MLLT10: variants seen among roughly 807,000 people sequenced by gnomAD.
MLLT10 encodes MLLT10 histone lysine methyltransferase DOT1L cofactor.
A neutral mutation model predicts 129.1 loss-of-function variants in MLLT10; 30 were observed. The ratio of observed to expected loss-of-function variants is 0.23; its 90% CI spans 0.17 to 0.32. MLLT10 has a LOEUF of 0.32. Among genes scored for constraint, MLLT10 ranks in the 10% least tolerant of loss-of-function variants. The pLI is 1.00. For synonymous variants in MLLT10, 490 were observed against 446.4 expected, an observed-to-expected ratio of 1.10 and a Z score of -1.23; for missense variants, 1,119 against 1,268.3, an observed-to-expected ratio of 0.88 and a Z score of 1.79.
chr10:21,549,551 C>A (rs1379429855), intron 3 of MLLT10, among the ~76,000 whole-genome samples: 1 of 151,932 alleles, frequency 6.6e-6, no homozygotes, highest in East Asian at 1.9e-4. Context: ...ATCCCATAGT[C>A]AAAGCATGGC....
intron 16 of MLLT10, 72 bp downstream of exon 16, chr10:21,728,000 T>G: frequency 8.1e-7 from 1 of 1,238,278 alleles, no homozygotes; most frequent in Non-Finnish European, 1.2e-6. Context: ...TTATCTCATA[T>G]CAGTAGAGTG....
chr10:21,666,182 C>T (rs1452706643), intron 9 of MLLT10, among the ~76,000 whole-genome samples: 4 of 152,058 alleles, frequency 2.6e-5, no homozygotes, highest in East Asian at 1.9e-4. Flanking sequence ...TACGGTATAG[C>T]GTCGTTAGCC....
At chr10:21,556,445 A>G (rs1479774725) in intron 3 of MLLT10, among the ~76,000 whole-genome samples, 2 of 152,122 alleles carry the variant, frequency 1.3e-5, no homozygotes, top group African/African-American at 4.8e-5. Flanking sequence ...CTTTAGCCAG[A>G]TGGATGTTGG....
Position 21,554,729 on chromosome 10 carries a change from G to A in MLLT10, c.240+15817G>A, listed in dbSNP as rs557655676. ...CCCGCCTCGGCCTCCCAAAGTGCTG[G>A]GACTACAGGCTCTGAGCCACCGGGC... On this transcript the variant is annotated intron_variant, in intron 3 of 22. Transcript: ENST00000307729. Among the ~76,000 whole-genome samples the A allele has an allele frequency of 7.3e-5, 11 of 151,674 alleles. No individual in the cohort carries two copies. The South Asian group carries it at 2.3e-3, about 32-fold the overall frequency.
chr10:21,734,301 A>G (rs2058184875), intron 20 of MLLT10, among the ~76,000 whole-genome samples, 172 bp downstream of exon 20: 1 of 152,210 alleles, frequency 6.6e-6, no homozygotes, highest in Non-Finnish European at 1.5e-5. Context: ...TAAGTAATTT[A>G]GATTAAAATT....
intron 9 of MLLT10, among the ~76,000 whole-genome samples, chr10:21,666,301 G>GT (rs2050790843): frequency 6.6e-6 from 1 of 151,824 alleles, no homozygotes; most frequent in African/African-American, 2.4e-5. Flanking sequence ...ATCACTTATT[G>GT]TTTTTTTACA....
chr10:21,576,984 T>C (rs2040836450), intron 3 of MLLT10, among the ~76,000 whole-genome samples: 1 of 152,166 alleles, frequency 6.6e-6, no homozygotes, highest in African/African-American at 2.4e-5. Context: ...TTTAGAACAC[T>C]TGTATCCCCT....
chr10:21,683,147 A>C (rs1387724890), intron 13 of MLLT10, among the ~76,000 whole-genome samples: 1 of 152,196 alleles, frequency 6.6e-6, no homozygotes, highest in African/African-American at 2.4e-5. Flanking sequence ...ATCGACAGCC[A>C]ACAAGAGACT....
chr10:21,663,279 T>C (rs1338696081), intron 9 of MLLT10, among the ~76,000 whole-genome samples: 1 of 152,194 alleles, frequency 6.6e-6, no homozygotes, highest in African/African-American at 2.4e-5. Context: ...ACTAAAATAG[T>C]TCAGGTTTTC....
chr10:21,604,132 G>A (rs1224197189), intron 5 of MLLT10, among the ~76,000 whole-genome samples: 2 of 152,078 alleles, frequency 1.3e-5, no homozygotes, highest in Admixed American at 6.6e-5. Flanking sequence ...ATACAAAATA[G>A]GTGTGCTGTA....
chr10:21,575,571 A>G (rs1191794478), intron 3 of MLLT10, among the ~76,000 whole-genome samples: 2 of 152,152 alleles, frequency 1.3e-5, no homozygotes, highest in Admixed American at 1.3e-4. Context: ...CATTATTTTC[A>G]TTTTATTGTG....
At chr10:21,697,888 A>G (rs905573365) in intron 13 of MLLT10, among the ~76,000 whole-genome samples, 1 of 152,200 alleles carries the variant, frequency 6.6e-6, no homozygotes, top group Non-Finnish European at 1.5e-5. Context: ...TGTGTATATT[A>G]TCCTGTTTAT....
intron 13 of MLLT10, among the ~76,000 whole-genome samples, chr10:21,693,306 A>T (rs958121770): frequency 6.6e-6 from 1 of 152,180 alleles, no homozygotes; most frequent in Non-Finnish European, 1.5e-5. Flanking sequence ...TTTAATATGT[A>T]TACATTTAAC....
rs528760884 is a variant in MLLT10, at chr10:21,570,212, TTG to T, written c.241-16059_241-16058del. Among the ~76,000 whole-genome samples, 348 of 147,568 alleles carry T rather than the reference TTG, an allele frequency of 2.4e-3. 2 individuals are homozygous for T. The highest frequency in any genetic ancestry group is 3.5e-3 in the Middle Eastern group (1 of 284). On this transcript the variant is annotated intron_variant, in intron 3 of 22. Coordinates refer to ENST00000307729, the MANE Select transcript of MLLT10 (RefSeq NM_001195626.3). ...GCGTGAGCCACTGTGCCAGGCCAAT[TTG>T]TGTGTGTGTGTGTGTGTGTGTGCGC...
At chr10:21,617,770 T>A (rs1290412117) in intron 8 of MLLT10, among the ~76,000 whole-genome samples, 2 of 152,368 alleles carry the variant, frequency 1.3e-5, no homozygotes, top group East Asian at 3.9e-4. Context: ...CTTACATTTT[T>A]ACTTGCTTTA....
chr10:21,721,997 A>G (rs2057166519), intron 14 of MLLT10, among the ~76,000 whole-genome samples: 2 of 151,926 alleles, frequency 1.3e-5, no homozygotes, highest in African/African-American at 2.4e-5. Flanking sequence ...TCTTTAAGAT[A>G]TTATATGAAG....
intron 10 of MLLT10, among the ~76,000 whole-genome samples, chr10:21,672,444 T>C (rs1012893155): frequency 5.3e-5 from 8 of 152,072 alleles, no homozygotes; most frequent in Non-Finnish European, 1.5e-5. Flanking sequence ...TAGCTGGGAT[T>C]AGAGGCACAC....
At chr10:21,726,392 T>C (rs1199089609) in intron 15 of MLLT10, 37 bp downstream of exon 15, 5 of 1,410,444 alleles carry the variant, frequency 3.5e-6, no homozygotes, top group Non-Finnish European at 5.0e-6. Context: ...AAAACCCTAC[T>C]CTCACCTACT....
rs201613631 is a variant in MLLT10, at chr10:21,733,862, T to C, written c.2591T>C (p.Val864Ala). Reference protein sequence around the residue: ...GQSPAQQGSGVSGVQQVNGVT... With the variant: ...GQSPAQQGSGASGVQQVNGVT... ...AGTCCGGCTCAACAAGGCTCAGGAGTGAGTGGAGTTCAGCAGGTCAATGGC... is the reference window on the plus strand; with the variant it reads ...AGTCCGGCTCAACAAGGCTCAGGAGCGAGTGGAGTTCAGCAGGTCAATGGC... The change falls in exon 20 of 23, where the codon GTG (valine) becomes GCG (alanine). Residue 864 changes from valine (V) to alanine (A), a missense_variant. Val to Ala is a moderately conservative substitution (Grantham distance 64, BLOSUM62 0). This residue lies in a region of MLLT10 where 1,004 missense variants were observed against 1,008.7 expected (regional missense o/e 1.00). Transcript: ENST00000307729. The C allele has an allele frequency of 6.9e-5, 112 of 1,613,434 alleles. No individual in the cohort carries two copies. Among genetic ancestry groups the C allele is most frequent in the Non-Finnish European group, 8.1e-5 (96 of 1,179,890 alleles).
Sources: gnomAD v4.1 joint callset for allele counts (sites outside exome capture counted in the v4.1 genomes callset) on GRCh38, gnomAD v4.1.1 for gene constraint, gnomAD v4.1.1 regional missense constraint, MANE v1.5 for transcripts, NCBI Gene and HGNC (gene_info 2026-07-23, HGNC 2026-07-21) for gene names.